The following RAD51B variants were observed in gnomAD, a reference collection of about 807,000 sequenced individuals.
RAD51B encodes the protein DNA repair protein RAD51 homolog 2.
RAD51B carries 38 observed loss-of-function variants against 42.2 expected under a neutral mutation model. That is an observed-to-expected ratio of 0.90 (90% CI 0.70 to 1.18). The LOEUF (loss-of-function observed/expected upper bound fraction) is 1.18, where lower values mean the gene tolerates loss of function less well. Among genes scored for constraint, RAD51B ranks in the 50% most tolerant of loss-of-function variants. The probability of loss-of-function intolerance (pLI) is 0.00; values close to 1 mark genes in which losing one functional copy is unlikely to be tolerated. For synonymous variants in RAD51B, 154 were observed against 145.2 expected (o/e 1.06, Z -0.43); for missense variants, 373 against 400.7 (o/e 0.93, Z 0.59).
At chr14:68,036,521 A>C (rs1253591584) in intron 7 of RAD51B, among the ~76,000 whole-genome samples, 1 of 152,224 alleles carries the variant, frequency 6.6e-6, no homozygotes, top group African/African-American at 2.4e-5. Context: ...CGTTTAGTAC[A>C]TGTGAGCTTT....
intron 7 of RAD51B, among the ~76,000 whole-genome samples, chr14:68,272,993 C>G (rs1671550089): frequency 1.3e-5 from 2 of 151,732 alleles, no homozygotes; most frequent in South Asian, 4.2e-4. Flanking sequence ...CCAACACTTT[C>G]TATATTTTAA....
chr14:67,941,817 A>C (rs2045220671), intron 7 of RAD51B, among the ~76,000 whole-genome samples: 2 of 152,240 alleles, frequency 1.3e-5, no homozygotes, highest in Non-Finnish European at 2.9e-5. Context: ...GCATATGGAC[A>C]GTATTGCTTT....
intron 7 of RAD51B, among the ~76,000 whole-genome samples, chr14:68,037,911 T>C (rs2076159387): frequency 6.6e-6 from 1 of 152,256 alleles, no homozygotes; most frequent in Middle Eastern, 3.2e-3. Context: ...TAGGAGGCTT[T>C]GGTACGTTAT....
chr14:68,572,778 A>G (rs753553495), intron 10 of RAD51B, among the ~76,000 whole-genome samples: 4 of 151,996 alleles, frequency 2.6e-5, no homozygotes, highest in Non-Finnish European at 4.4e-5. Context: ...TTGACTTCCC[A>G]TCTCCAAATT....
intron 10 of RAD51B, chr14:68,594,385 A>T: frequency 8.6e-7 from 1 of 1,163,132 alleles, no homozygotes; most frequent in Non-Finnish European, 1.1e-6. Context: ...TGAACTCTCC[A>T]TCAGGTCTTC....
chr14:68,168,000 T>C (rs867978654), intron 7 of RAD51B, among the ~76,000 whole-genome samples: 2 of 152,128 alleles, frequency 1.3e-5, no homozygotes, highest in South Asian at 2.1e-4. Flanking sequence ...GCTATTCTTT[T>C]TCGTGATTTG....
At chr14:68,552,845 G>T (rs546176956) in intron 10 of RAD51B, among the ~76,000 whole-genome samples, 1 of 152,294 alleles carries the variant, frequency 6.6e-6, no homozygotes, top group South Asian at 2.1e-4. Flanking sequence ...CCCAGGAAAT[G>T]CTGCACTTAA....
At chr14:68,588,920 C>CAACTGG (rs1890614539) in intron 10 of RAD51B, among the ~76,000 whole-genome samples, 1 of 152,170 alleles carries the variant, frequency 6.6e-6, no homozygotes, top group African/African-American at 2.4e-5. Flanking sequence ...GCTGATTTTG[C>CAACTGG]AAAGCTGCTT....
chr14:68,280,450 A>G (rs1394942750), intron 7 of RAD51B, among the ~76,000 whole-genome samples: 1 of 152,158 alleles, frequency 6.6e-6, no homozygotes, highest in Non-Finnish European at 1.5e-5. Context: ...TGTGCCAGCT[A>G]TTTGATCTCA....
chr14:68,420,544 C>T (rs778940151), intron 9 of RAD51B, among the ~76,000 whole-genome samples: 9 of 152,056 alleles, frequency 5.9e-5, no homozygotes, highest in East Asian at 1.9e-4. Context: ...AGACCATATA[C>T]GGTAACTTCC....
intron 10 of RAD51B, among the ~76,000 whole-genome samples, chr14:68,576,551 C>T (rs1319587421): frequency 4.6e-5 from 7 of 152,144 alleles, no homozygotes; most frequent in African/African-American, 1.7e-4. Flanking sequence ...GTCTTGTTTC[C>T]AGATGGAGAT....
At chr14:68,643,410 T>A (rs1178467941) in intron 10 of RAD51B, among the ~76,000 whole-genome samples, 1 of 152,226 alleles carries the variant, frequency 6.6e-6, no homozygotes, top group African/African-American at 2.4e-5. Context: ...ATATTTAAAG[T>A]AGATTTCTTG....
chr14:68,396,313 C>T (rs2083920988), intron 8 of RAD51B, among the ~76,000 whole-genome samples: 1 of 152,148 alleles, frequency 6.6e-6, no homozygotes, highest in South Asian at 2.1e-4. Flanking sequence ...TATCCCACAT[C>T]CACATTACAG....
chr14:68,570,680 C>T (rs965610445), intron 10 of RAD51B, among the ~76,000 whole-genome samples: 1 of 152,240 alleles, frequency 6.6e-6, no homozygotes, highest in African/African-American at 2.4e-5. Context: ...CCCATTTTTA[C>T]CTCCAGCCAA....
At chr14:68,007,437 G>C (rs897431004) in intron 7 of RAD51B, among the ~76,000 whole-genome samples, 2 of 151,876 alleles carry the variant, frequency 1.3e-5, no homozygotes, top group African/African-American at 4.8e-5. Flanking sequence ...AGGAACTGCC[G>C]AACTGTTTTT....
rs576910007 is a variant in RAD51B, at chr14:68,037,431, G to C, written c.756+150227G>C. 3.3e-5 allele frequency among the ~76,000 whole-genome samples: 5 copies of C among 151,704 alleles called. No individual in the cohort carries two copies. The South Asian group carries it at 1.0e-3, about 32-fold the overall frequency. On this transcript the variant is annotated intron_variant, in intron 7 of 10. Coordinates refer to ENST00000471583, the MANE Select transcript of RAD51B (RefSeq NM_133510.4). The stretch of plus-strand genomic sequence containing the variant: ...AGACAGGGTTTTACCACGTTGGCCA[G>C]GATGGTCTCAATCTTCTGACCTCGT...
chr14:68,558,602 A>G (rs1888981973), intron 10 of RAD51B, among the ~76,000 whole-genome samples: 1 of 152,034 alleles, frequency 6.6e-6, no homozygotes, highest in African/African-American at 2.4e-5. Context: ...CACTGCTGTC[A>G]TCTTCACGTG....
chr14:68,462,656 G>A (rs2085874220), intron 9 of RAD51B, among the ~76,000 whole-genome samples: 1 of 152,170 alleles, frequency 6.6e-6, no homozygotes, highest in African/African-American at 2.4e-5. Context: ...TTCCCAAAGT[G>A]CTGAGATTAC....
chr14:68,289,671 G>A (rs879276212), intron 7 of RAD51B, among the ~76,000 whole-genome samples: 39 of 151,398 alleles, frequency 2.6e-4, no homozygotes, highest in African/African-American at 3.6e-4. Flanking sequence ...CTGAGATCAC[G>A]CTATTGCACT....
Sources: allele counts gnomAD v4.1 joint callset (sites outside exome capture counted in the v4.1 genomes callset), GRCh38; gene constraint gnomAD v4.1.1; transcripts MANE v1.5; gene names NCBI Gene and HGNC (gene_info 2026-07-23, HGNC 2026-07-21).